The following RALGAPA2 variants were observed in gnomAD, a reference collection of about 807,000 sequenced individuals.
RALGAPA2 encodes the protein ral GTPase-activating protein subunit alpha-2.
A neutral mutation model predicts 230.4 loss-of-function variants in RALGAPA2; 139 were observed. That is an observed-to-expected ratio of 0.60 (90% confidence interval 0.53 to 0.69). The LOEUF (loss-of-function observed/expected upper bound fraction) is 0.69. Ranked by LOEUF, RALGAPA2 falls within the 30% of genes least tolerant of loss-of-function variation. The pLI is 0.00. For missense variants in RALGAPA2, 2,163 were observed against 2,276.0 expected (o/e 0.95, Z 1.01); for synonymous variants, 847 against 837.8 (o/e 1.01, Z -0.19).
chr20:20,479,504 A>G (rs918884238), intron 36 of RALGAPA2, among the ~76,000 whole-genome samples: 1 of 152,256 alleles, frequency 6.6e-6, no homozygotes, highest in African/African-American at 2.4e-5. Flanking sequence ...ATACAACCAC[A>G]TTAATAGATT....
intron 36 of RALGAPA2, among the ~76,000 whole-genome samples, chr20:20,475,193 G>A (rs1173551942): frequency 6.6e-6 from 1 of 152,150 alleles, no homozygotes; most frequent in Non-Finnish European, 1.5e-5. Context: ...TTCTGTGGTT[G>A]GCATTGGTGA....
At chr20:20,504,242 T>C (rs2062463073) in intron 34 of RALGAPA2, among the ~76,000 whole-genome samples, 1 of 152,202 alleles carries the variant, frequency 6.6e-6, no homozygotes, top group East Asian at 1.9e-4. Flanking sequence ...AAATTAGAAG[T>C]AGCCTTACTA....
chr20:20,670,751 C>T (rs983211586), intron 3 of RALGAPA2, among the ~76,000 whole-genome samples: 4 of 151,720 alleles, frequency 2.6e-5, no homozygotes, highest in African/African-American at 7.3e-5. Flanking sequence ...AGTTCAAGAC[C>T]AGCCTGGCCA....
At chr20:20,401,980 A>T (rs2059850154) in intron 38 of RALGAPA2, among the ~76,000 whole-genome samples, 1 of 152,176 alleles carries the variant, frequency 6.6e-6, no homozygotes, top group Non-Finnish European at 1.5e-5. Flanking sequence ...TCAGGGAGGG[A>T]CATTTTGCCA....
At chr20:20,535,632 T>A (rs1198039634) in intron 26 of RALGAPA2, 113 bp downstream of exon 26, 22 of 1,347,430 alleles carry the variant, frequency 1.6e-5, no homozygotes, top group Non-Finnish European at 2.0e-5. Context: ...GACTTTTCAG[T>A]CTGTATAAGA....
chr20:20,405,921 GTCC>G (rs1207698899), intron 38 of RALGAPA2, among the ~76,000 whole-genome samples: 1 of 152,172 alleles, frequency 6.6e-6, no homozygotes, highest in African/African-American at 2.4e-5. Context: ...ATTCCTTTCT[GTCC>G]TCCTTTCTAT....
chr20:20,487,650 T>G (rs2061946452), intron 36 of RALGAPA2, among the ~76,000 whole-genome samples: 1 of 152,116 alleles, frequency 6.6e-6, no homozygotes, highest in African/African-American at 2.4e-5. Context: ...AGCTCATACC[T>G]GTAATATCAG....
At position 20,531,772 on chromosome 20, in the gene RALGAPA2, C is replaced by G; in HGVS notation, c.3497G>C (p.Gly1166Ala). The G allele has an allele frequency of 6.2e-7, 1 of 1,605,630 alleles. No homozygotes were observed. The highest frequency in any genetic ancestry group is 1.3e-5 in the African/African-American group (1 of 74,934). Residue 1166 changes from glycine to alanine, a missense_variant, in exon 27 of 40, where the codon GGG (glycine) becomes GCG (alanine). By Grantham distance (60) the Gly-to-Ala change is moderately conservative (BLOSUM62 0). Coordinates refer to ENST00000202677, the MANE Select transcript of RALGAPA2 (RefSeq NM_020343.4). ...YARCIAVCSL[G>A]VWICEELAQC... ...TGCAAGCTCTTCACATATCCAGACC[C>G]CAAGGGAGCAAACAGCAATGCATCT... is the stretch of plus-strand genomic sequence containing the variant.
chr20:20,493,498 T>C (rs1280012438), intron 36 of RALGAPA2, among the ~76,000 whole-genome samples: 5 of 152,218 alleles, frequency 3.3e-5, no homozygotes, highest in Non-Finnish European at 5.9e-5. Context: ...GTGTACTATC[T>C]TTTTAAAAAA....
rs1343441751 is a variant in RALGAPA2 at position 20,390,570 on chromosome 20, T to C, written c.*2719A>G. ...CACTTCTGTTTCCAGATGGCTGACCTACTGGTACCACCGTGATGAGTCAGC... is the reference window on the plus strand; with the variant it reads ...CACTTCTGTTTCCAGATGGCTGACCCACTGGTACCACCGTGATGAGTCAGC... On this transcript the variant is annotated 3_prime_UTR_variant, in exon 40 of 40. Coordinates refer to ENST00000202677, the MANE Select transcript of RALGAPA2 (RefSeq NM_020343.4). The C allele has an allele frequency of 6.6e-6, 1 of 152,190 alleles. No individual in the cohort carries two copies. The highest frequency in any genetic ancestry group is 2.4e-5 in the African/African-American group (1 of 41,434). 9.4% of individuals were successfully genotyped at this position (152,190 alleles called of 1,614,324 possible).
At chr20:20,613,796 C>G (rs1236917019) in intron 13 of RALGAPA2, among the ~76,000 whole-genome samples, 2 of 152,216 alleles carry the variant, frequency 1.3e-5, no homozygotes, top group Non-Finnish European at 2.9e-5. Context: ...TCCCTTCACT[C>G]AGGGCTCTGC....
chr20:20,469,992 G>A (rs547759250), intron 37 of RALGAPA2, among the ~76,000 whole-genome samples: 3 of 152,222 alleles, frequency 2.0e-5, no homozygotes, highest in Admixed American at 2.0e-4. Context: ...AGGGACAAAG[G>A]GGCTGCGATG....
intron 15 of RALGAPA2, among the ~76,000 whole-genome samples, chr20:20,604,762 T>G (rs1338019143): frequency 6.6e-6 from 1 of 152,206 alleles, no homozygotes; most frequent in Non-Finnish European, 1.5e-5. Context: ...AAGACAATTC[T>G]TCCAATGTGG....
At chr20:20,688,873 G>C (rs1281844883) in intron 1 of RALGAPA2, among the ~76,000 whole-genome samples, 1 of 152,096 alleles carries the variant, frequency 6.6e-6, no homozygotes, top group Non-Finnish European at 1.5e-5. Context: ...GACCAAAAAA[G>C]ATTCCTCCAA....
chr20:20,653,195 C>CAAAAAAAAAAAAAAAAAA (rs60906434), intron 4 of RALGAPA2, among the ~76,000 whole-genome samples: 2 of 27,528 alleles, frequency 7.3e-5, no homozygotes, highest in Non-Finnish European at 1.5e-4. Flanking sequence ...GACTCCATCT[C>CAAAAAAAAAAAAAAAAAA]AAAAAAAAAA....
chr20:20,502,896 G>A (rs998652293), intron 35 of RALGAPA2, among the ~76,000 whole-genome samples: 7 of 152,182 alleles, frequency 4.6e-5, no homozygotes, highest in Admixed American at 4.6e-4. Context: ...AAGTTCCCTG[G>A]GGGAGGTTCC....
intron 37 of RALGAPA2, among the ~76,000 whole-genome samples, chr20:20,438,757 C>T (rs972576135): frequency 2.0e-5 from 3 of 152,216 alleles, no homozygotes; most frequent in Admixed American, 2.0e-4. Flanking sequence ...AGCTATCAGA[C>T]TAAAAGACGG....
intron 3 of RALGAPA2, among the ~76,000 whole-genome samples, chr20:20,657,240 G>A (rs371821466): frequency 4.5e-4 from 69 of 152,306 alleles, no homozygotes; most frequent in East Asian, 9.6e-4. Flanking sequence ...CCAGCCTAGC[G>A]GAAGCTCCAG....
chr20:20,709,251 G>A (rs577042467), intron 1 of RALGAPA2, among the ~76,000 whole-genome samples: 101 of 152,138 alleles, frequency 6.6e-4, no homozygotes, highest in South Asian at 1.9e-3. Flanking sequence ...CCCAGGAGGC[G>A]GAGGTTGCAG....
Sources: gnomAD v4.1 joint callset for allele counts (sites outside exome capture counted in the v4.1 genomes callset) on GRCh38, gnomAD v4.1.1 for gene constraint, MANE v1.5 for transcripts, NCBI Gene and HGNC (gene_info 2026-07-23, HGNC 2026-07-21) for gene names.